The following RBM4B variants were observed in gnomAD, a reference collection of about 807,000 sequenced individuals.
RBM4B encodes the protein RNA binding motif protein 4B.
A neutral mutation model predicts 28.5 loss-of-function variants in RBM4B; 13 were observed. The ratio of observed to expected loss-of-function variants is 0.46; its 90% CI spans 0.30 to 0.72. The LOEUF is 0.72. Among genes scored for constraint, RBM4B ranks in the 30% least tolerant of loss-of-function variants. The pLI, the probability that RBM4B is intolerant of heterozygous loss-of-function variation, is 0.09. For missense variants in RBM4B, 387 were observed against 477.6 expected (o/e 0.81, Z 1.77); for synonymous variants, 167 against 179.1 (o/e 0.93, Z 0.54).
chr11:66,676,897 A>G lies in RBM4B; in HGVS notation c.183T>C (p.His61=). The stretch of plus-strand genomic sequence containing the variant: ...TGGCTTCCACGTTGATGTTCACCCC[A>G]TGAAGCTTGTAATGGTGCAGGTTGC... ...AIRNLHHYKL[H]GVNINVEASK... The change falls in exon 2 of 4, where the codon CAT becomes CAC. Residue 61 remains histidine, a synonymous_variant. Coordinates refer to ENST00000310046, the MANE Select transcript of RBM4B (RefSeq NM_031492.4). 2 of 1,614,100 alleles carry G rather than the reference A, an allele frequency of 1.2e-6. No homozygotes were observed. The highest frequency in any genetic ancestry group is 1.3e-5 in the African/African-American group (1 of 75,016).
intron 2 of RBM4B, among the ~76,000 whole-genome samples, chr11:66,672,046 C>G (rs1465245737): frequency 6.6e-6 from 1 of 151,984 alleles, no homozygotes; most frequent in Non-Finnish European, 1.5e-5. Context: ...TGCACCCGGC[C>G]CAATTTTTTA....
At chr11:66,675,945 C>T (rs1319495022) in intron 2 of RBM4B, 5 of 152,266 alleles carry the variant, frequency 3.3e-5, no homozygotes, top group Non-Finnish European at 7.3e-5. Context: ...TTAATGACAA[C>T]ATATGTACCT....
intron 2 of RBM4B, chr11:66,671,048 G>T: frequency 1.4e-6 from 1 of 702,326 alleles, no homozygotes; most frequent in East Asian, 2.7e-5. Context: ...CCTGAGAGGG[G>T]AGCGGGTTAG....
chr11:66,665,909 T>C, intron 3 of RBM4B: 1 of 1,535,504 alleles, frequency 6.5e-7, no homozygotes, highest in Non-Finnish European at 8.7e-7. Flanking sequence ...AGGGCATACA[T>C]ACATTTTCAA....
rs1183150627 is a variant in RBM4B at position 66,668,710 on chromosome 11, A to G, written c.994T>C (p.Ser332Pro). The change falls in exon 3 of 4, where the codon TCC (serine) becomes CCC (proline). Residue 332 changes from serine (S) to proline (P), a missense_variant. By Grantham distance (74) the Ser-to-Pro change is moderately conservative. Around this residue, in one of 2 missense-constraint regions of RBM4B, gnomAD observed 226 missense variants for 220.6 expected, o/e 1.02. Transcript: ENST00000310046. Reference protein sequence around the residue: ...YGPESELSQASAATRNSLYDM... With the variant: ...YGPESELSQAPAATRNSLYDM... ...TACAGAGAATTCCGTGTAGCTGCGG[A>G]AGCCTGAGATAATTCACTCTCTGGC... 1 of 1,614,080 alleles carries G rather than the reference A, an allele frequency of 6.2e-7. No individual in the cohort carries two copies. Among genetic ancestry groups the G allele is most frequent in the African/African-American group, 1.3e-5 (1 of 74,928 alleles).
In RBM4B at chr11:66,668,727, C is replaced by T. The variant is rs770713945; in HGVS notation, c.977G>A (p.Ser326Asn). 13 of 1,614,010 alleles carry T rather than the reference C, an allele frequency of 8.1e-6. No individual in the cohort carries two copies. In the African/African-American group the frequency reaches 1.6e-4, roughly 20 times the overall value. ...AGCTGCGGAAGCCTGAGATAATTCACTCTCTGGCCCATAACCGTAGCCCTC... is the reference window on the plus strand; with the variant it reads ...AGCTGCGGAAGCCTGAGATAATTCATTCTCTGGCCCATAACCGTAGCCCTC... ...VGEGYGYGPE[S>N]ELSQASAATR... Residue 326 changes from serine (S) to asparagine (N), a missense_variant, in exon 3 of 4, where the codon AGT (serine) becomes AAT (asparagine). This residue lies in a region of RBM4B where 226 missense variants were observed against 220.6 expected (regional missense o/e 1.02). Coordinates refer to ENST00000310046, the MANE Select transcript of RBM4B (RefSeq NM_031492.4).
At position 66,677,008 on chromosome 11, in the gene RBM4B, C is replaced by A. The variant is rs766466468; in HGVS notation, c.72G>T (p.Gln24His). The A allele has an allele frequency of 3.1e-6, 5 of 1,614,194 alleles. No homozygotes were observed. Among genetic ancestry groups the A allele is most frequent in the South Asian group, 2.2e-5 (2 of 91,088 alleles). Residue 24 changes from glutamine (Q) to histidine (H), a missense_variant, in exon 2 of 4, where the codon CAG (glutamine) becomes CAT (histidine). By Grantham distance (24) the Gln-to-His change is conservative. Coordinates refer to ENST00000310046, the MANE Select transcript of RBM4B (RefSeq NM_031492.4). Reference protein sequence around the residue: ...TEQEIRSLFEQYGKVLECDII... With the variant: ...TEQEIRSLFEHYGKVLECDII... ...TGTCACATTCCAGCACCTTCCCATA[C>A]TGCTCGAAGAGTGAGCGAATCTCCT...
At chr11:66,674,522 C>T (rs950164029) in intron 2 of RBM4B, among the ~76,000 whole-genome samples, 4 of 151,234 alleles carry the variant, frequency 2.6e-5, no homozygotes, top group Admixed American at 2.0e-4. Context: ...CCACAGCACC[C>T]GGCCTGTCCT....
Position 66,673,463 on chromosome 11 carries a change from T to G in RBM4B, c.412+3205A>C, listed in dbSNP as rs1425360837. ...AAAAGATGTTCAAGTGGCACTTTTT[T>G]GTTGGTTCATTTTTGAGACTAAGTC... On this transcript the variant is annotated intron_variant, in intron 2 of 3. Transcript: ENST00000310046. Among the ~76,000 whole-genome samples, 8 of 152,312 alleles carry G rather than the reference T, an allele frequency of 5.3e-5. No individual in the cohort carries two copies. In the South Asian group the frequency reaches 1.7e-3, roughly 32 times the overall value.
At chr11:66,668,347 T>C (rs1939323132) in intron 3 of RBM4B, 1 of 404,450 alleles carries the variant, frequency 2.5e-6, no homozygotes, top group Non-Finnish European at 4.5e-6. Flanking sequence ...CCAAATATGC[T>C]TACAACTGAT....
At chr11:66,669,383 GAC>G (rs1939383521) in intron 2 of RBM4B, 92 bp from the exon 3 acceptor site, 3 of 1,218,880 alleles carry the variant, frequency 2.5e-6, no homozygotes, top group Non-Finnish European at 3.5e-6. Flanking sequence ...GTTGTCATAA[GAC>G]ACATAGACGC....
chr11:66,670,862 T>G, intron 2 of RBM4B: 1 of 699,088 alleles, frequency 1.4e-6, no homozygotes, highest in South Asian at 1.5e-5. Context: ...GAACAGGGCT[T>G]CTCATTACTC....
At chr11:66,672,580 C>T (rs1480916631) in intron 2 of RBM4B, among the ~76,000 whole-genome samples, 21 of 151,160 alleles carry the variant, frequency 1.4e-4, no homozygotes, top group African/African-American at 4.9e-4. Context: ...ACTGCAACTT[C>T]TGCCTCCTGG....
intron 2 of RBM4B, among the ~76,000 whole-genome samples, chr11:66,672,093 G>A (rs1366364441): frequency 6.6e-6 from 1 of 151,914 alleles, no homozygotes; most frequent in Non-Finnish European, 1.5e-5. Context: ...GGGGTGACGA[G>A]TTTAAAAAAA....
rs190449248 is a variant in RBM4B, at chr11:66,669,745, C to T, written c.413-454G>A. On this transcript the variant is annotated intron_variant, in intron 2 of 3. Transcript: ENST00000310046. ...ACAGGCATGCGCCATTGCGCCCTGCCAGTAGTTGAAGTTTAATACAGATGA... is the reference window on the plus strand; with the variant it reads ...ACAGGCATGCGCCATTGCGCCCTGCTAGTAGTTGAAGTTTAATACAGATGA... 6.6e-5 allele frequency among the ~76,000 whole-genome samples: 10 copies of T among 152,382 alleles called. No homozygotes were observed. The East Asian group carries it at 1.7e-3, about 26-fold the overall frequency.
Position 66,676,700 on chromosome 11 carries a change from G to T in RBM4B, c.380C>A (p.Ala127Asp). ...HMERAEDAVE[A>D]IRGLDNTEFQ... ...CTCTGTGTTGTCAAGGCCCCTGATG[G>T]CCTCCACTGCATCCTCTGCCCGCTC... Residue 127 changes from alanine (A) to aspartate (D), a missense_variant, in exon 2 of 4, where the codon GCC becomes GAC. Physicochemically the swap from Ala to Asp is moderately radical, Grantham distance 126. Coordinates refer to ENST00000310046, the MANE Select transcript of RBM4B (RefSeq NM_031492.4). The T allele has an allele frequency of 6.2e-7, 1 of 1,613,988 alleles. No individual in the cohort carries two copies. The highest frequency in any genetic ancestry group is 8.5e-7 in the Non-Finnish European group (1 of 1,179,948).
At chr11:66,669,593 T>C (rs1435733124) in intron 2 of RBM4B, among the ~76,000 whole-genome samples, 1 of 152,134 alleles carries the variant, frequency 6.6e-6, no homozygotes. Flanking sequence ...ATTACAGGCA[T>C]GCGCTGCCAT....
intron 2 of RBM4B, among the ~76,000 whole-genome samples, chr11:66,675,135 G>C (rs1055018509): frequency 6.6e-6 from 1 of 152,214 alleles, no homozygotes; most frequent in Non-Finnish European, 1.5e-5. Context: ...AATAAGGAAA[G>C]CTTCGCTATC....
At chr11:66,672,504 T>TG (rs1183341363) in intron 2 of RBM4B, among the ~76,000 whole-genome samples, 5,876 of 144,202 alleles carry the variant, frequency 0.041, 153 homozygotes, top group South Asian at 0.062. Context: ...ATTAATTTTT[T>TG]TGGGGGGGGG....
Sources: allele counts gnomAD v4.1 joint callset (sites outside exome capture counted in the v4.1 genomes callset), GRCh38; gene constraint gnomAD v4.1.1; regional missense constraint gnomAD v4.1.1; transcripts MANE v1.5; gene names NCBI Gene and HGNC (gene_info 2026-07-23, HGNC 2026-07-21).